SCFD2: variants seen among roughly 807,000 people sequenced by gnomAD.
The protein encoded by SCFD2 is sec1 family domain containing 2, also known as sec1 family domain-containing protein 2.
Under a neutral mutation model 58.9 loss-of-function variants are expected in SCFD2, and 54 were observed. That is an observed-to-expected ratio of 0.92 (90% CI 0.74 to 1.15). The LOEUF is 1.15. SCFD2 is among the 50% of genes most tolerant of loss of function. The pLI, the probability that SCFD2 is intolerant of heterozygous loss-of-function variation, is 0.00. For synonymous variants in SCFD2, 321 were observed against 335.9 expected (o/e 0.96, Z 0.49); for missense variants, 805 against 836.6 (o/e 0.96, Z 0.47).
intron 4 of SCFD2, among the ~76,000 whole-genome samples, chr4:53,199,469 G>C (rs1728160126): frequency 6.6e-6 from 1 of 152,098 alleles, no homozygotes; most frequent in African/African-American, 2.4e-5. Context: ...AGAATTTCCT[G>C]AGTGATAAGA....
At chr4:53,342,192 T>A (rs1372672825) in intron 2 of SCFD2, among the ~76,000 whole-genome samples, 1 of 152,184 alleles carries the variant, frequency 6.6e-6, no homozygotes, top group African/African-American at 2.4e-5. Context: ...GACCCATCAC[T>A]GTGCTGTATT....
chr4:53,008,639 A>G (rs1267172907), intron 5 of SCFD2, among the ~76,000 whole-genome samples: 1 of 152,160 alleles, frequency 6.6e-6, no homozygotes, highest in Non-Finnish European at 1.5e-5. Context: ...CAGGGAATGG[A>G]GAGGTGCATG....
At position 53,333,681 on chromosome 4, in the gene SCFD2, T is replaced by C. The variant is rs528445920; in HGVS notation, c.1007+18917A>G. Among the ~76,000 whole-genome samples the C allele has an allele frequency of 7.4e-3, 1,000 of 135,950 alleles. 27 individuals are homozygous for C. The highest frequency in any genetic ancestry group is 0.027 in the African/African-American group (965 of 35,988). The allele number at this position is 135,950 out of a possible 152,430, so 89.2% of individuals were successfully genotyped here. A position where few individuals can be genotyped will look rare whatever the true frequency, so the allele number is the denominator to read the frequency against. Reference sequence around the variant, plus strand: ...AACCTAGGCAATACCATTCAGGACATAGGCATGGGCAAGGACTTCATGTCT... The same window carrying C: ...AACCTAGGCAATACCATTCAGGACACAGGCATGGGCAAGGACTTCATGTCT... On this transcript the variant is annotated intron_variant, in intron 2 of 8. Transcript: ENST00000401642.
chr4:53,050,975 T>G (rs1723175920), intron 5 of SCFD2, among the ~76,000 whole-genome samples: 1 of 152,172 alleles, frequency 6.6e-6, no homozygotes, highest in South Asian at 2.1e-4. Context: ...TGGTAGGCGC[T>G]CTCTCAAAAC....
chr4:53,349,975 T>G (rs557724716), intron 2 of SCFD2, among the ~76,000 whole-genome samples: 6 of 152,326 alleles, frequency 3.9e-5, no homozygotes, highest in African/African-American at 1.4e-4. Context: ...CTTAGGCATG[T>G]TATTTAACTT....
chr4:53,154,602 G>A (rs1229081553), intron 4 of SCFD2, among the ~76,000 whole-genome samples: 4 of 152,206 alleles, frequency 2.6e-5, no homozygotes, highest in Non-Finnish European at 4.4e-5. Flanking sequence ...GCCAAGCCAT[G>A]GTGTGTGCAG....
intron 7 of SCFD2, among the ~76,000 whole-genome samples, chr4:52,907,027 G>A (rs930739537): frequency 1.3e-5 from 2 of 152,168 alleles, no homozygotes; most frequent in African/African-American, 4.8e-5. Flanking sequence ...TTTCCAAGTG[G>A]GTTTTGAGGT....
intron 4 of SCFD2, among the ~76,000 whole-genome samples, chr4:53,260,017 T>C (rs1483313050): frequency 6.6e-6 from 1 of 151,864 alleles, no homozygotes; most frequent in African/African-American, 2.4e-5. Flanking sequence ...GCTTCTCAGC[T>C]TGGTCGCTGC....
In SCFD2 at chr4:53,352,764, C is replaced by T. The variant is rs1429192393; in HGVS notation, c.841G>A (p.Ala281Thr). The T allele has an allele frequency of 6.2e-7, 1 of 1,613,142 alleles. No individual in the cohort carries two copies. Among genetic ancestry groups the T allele is most frequent in the Non-Finnish European group, 8.5e-7 (1 of 1,179,296 alleles). ...AAGTTGTCTCCATGATGTCCAACTG[C>T]TCCTGTTTAAGCAGACAAGATGATG... ...FVDRTLDLTG[A>T]VGHHGDNLVE... The change falls in exon 2 of 9, where the codon GCA (alanine) becomes ACA (threonine). Residue 281 changes from alanine to threonine, a missense_variant and splice_region_variant. Coordinates refer to ENST00000401642, the MANE Select transcript of SCFD2 (RefSeq NM_152540.4).
In SCFD2 at chr4:53,365,531, C is replaced by T; in HGVS notation, c.411G>A (p.Glu137=). 1.2e-6 allele frequency: 2 copies of T among 1,614,214 alleles called. No individual in the cohort carries two copies. The highest frequency in any genetic ancestry group is 1.7e-6 in the Non-Finnish European group (2 of 1,180,030). ...TGCCCATCCATTCACACAGCTTCTC[C>T]TCCAGCTGCTCGAACACCGGCTGCT... The part of the protein sequence containing the change: ...EGQQPVFEQL[E]EKLCEWMGNM... The change falls in exon 1 of 9, where the codon GAG becomes GAA. Residue 137 remains glutamate, a synonymous_variant. Coordinates refer to ENST00000401642, the MANE Select transcript of SCFD2 (RefSeq NM_152540.4). This position sits in a 1 kb window ranked among gnomAD's most constrained non-coding sequence, Gnocchi z 4.3.
At chr4:53,113,325 C>T (rs1380516972) in intron 5 of SCFD2, among the ~76,000 whole-genome samples, 1 of 152,100 alleles carries the variant, frequency 6.6e-6, no homozygotes, top group Non-Finnish European at 1.5e-5. Context: ...GCAGAAGCTA[C>T]TGTGTTACTT....
Position 53,062,584 on chromosome 4 carries a change from A to G in SCFD2, c.1561+82749T>C, listed in dbSNP as rs541723402. Among the ~76,000 whole-genome samples, 60 of 152,272 alleles carry G rather than the reference A, an allele frequency of 3.9e-4. 1 individual carries two copies. The South Asian group carries it at 0.012, about 31-fold the overall frequency. ...TTTTTGTTTAAGTATCATGACTTAC[A>G]TACCTACTAGCAGAAACATTATTTC... On this transcript the variant is annotated intron_variant, in intron 5 of 8. Coordinates refer to ENST00000401642, the MANE Select transcript of SCFD2 (RefSeq NM_152540.4).
intron 4 of SCFD2, among the ~76,000 whole-genome samples, chr4:53,154,385 G>C (rs1367648757): frequency 2.0e-5 from 3 of 152,218 alleles, no homozygotes; most frequent in East Asian, 1.9e-4. Flanking sequence ...GGAGCAGGTA[G>C]CATACTCTTT....
intron 4 of SCFD2, among the ~76,000 whole-genome samples, chr4:53,214,168 C>A (rs1004194003): frequency 6.6e-6 from 1 of 152,084 alleles, no homozygotes; most frequent in East Asian, 1.9e-4. Flanking sequence ...TGGGTATATA[C>A]CCAGTAATGG....
rs73814901 is a variant in SCFD2, at chr4:52,960,068, C to T, written c.1562-39198G>A. On this transcript the variant is annotated intron_variant, in intron 5 of 8. Transcript: ENST00000401642. ...TAATTTTTTCTCTGAATTTATGTTC[C>T]TATTTTCCCCTAAAAATGTCCCTCT... Among the ~76,000 whole-genome samples the T allele has an allele frequency of 8.7e-3, 1,325 of 152,244 alleles. 27 individuals are homozygous for T. The highest frequency in any genetic ancestry group is 0.03 in the African/African-American group (1,264 of 41,536).
intron 4 of SCFD2, among the ~76,000 whole-genome samples, chr4:53,251,500 C>A (rs1214765287): frequency 1.3e-5 from 2 of 152,208 alleles, no homozygotes; most frequent in Middle Eastern, 3.4e-3. Context: ...TACTGGCAAA[C>A]CAAATCCAGC....
intron 2 of SCFD2, among the ~76,000 whole-genome samples, chr4:53,351,431 ATCTTAACTT>A (rs1734216929): frequency 6.6e-6 from 1 of 152,230 alleles, no homozygotes; most frequent in Non-Finnish European, 1.5e-5. Flanking sequence ...AGATACATTA[ATCTTAACTT>A]CATATCATTT....
intron 5 of SCFD2, among the ~76,000 whole-genome samples, chr4:53,106,845 G>A (rs1725018042): frequency 6.6e-6 from 1 of 152,090 alleles, no homozygotes; most frequent in African/African-American, 2.4e-5. Flanking sequence ...AGCAAGACAG[G>A]CCAACATTCA....
rs1734659671 is a variant in SCFD2 at position 53,365,219 on chromosome 4, G to A, written c.723C>T (p.Ser241=). 1.2e-6 allele frequency: 2 copies of A among 1,614,136 alleles called. No individual in the cohort carries two copies. Among genetic ancestry groups the A allele is most frequent in the African/African-American group, 2.7e-5 (2 of 75,022 alleles). Reference sequence around the variant, plus strand: ...GATCCGCAGCGATGACCTGACTTAAGGAACCTACAGCAAAACACTCCTCCC... The same window carrying A: ...GATCCGCAGCGATGACCTGACTTAAAGAACCTACAGCAAAACACTCCTCCC... ...GVREECFAVG[S]LSQVIAADLA... Residue 241 remains serine, a synonymous_variant, in exon 1 of 9, where the codon TCC becomes TCT. Coordinates refer to ENST00000401642, the MANE Select transcript of SCFD2 (RefSeq NM_152540.4). This position sits in a 1 kb window ranked among gnomAD's most constrained non-coding sequence, Gnocchi z 4.3.
Sources: allele counts gnomAD v4.1 joint callset (sites outside exome capture counted in the v4.1 genomes callset), GRCh38; gene constraint gnomAD v4.1.1; non-coding constraint Gnocchi (gnomAD v3.1); transcripts MANE v1.5; gene names NCBI Gene and HGNC (gene_info 2026-07-23, HGNC 2026-07-21).